Variants in SESN1 observed in about 807,000 individuals in gnomAD.
The protein encoded by SESN1 is sestrin-1.
In SESN1, 30 loss-of-function variants were observed where a neutral mutation model predicts 59.3. That is an observed-to-expected ratio of 0.51 (90% CI 0.38 to 0.69). The LOEUF is 0.69. Among genes scored for constraint, SESN1 ranks in the 30% least tolerant of loss-of-function variants. The pLI is 0.00. For missense variants in SESN1, 566 were observed against 673.0 expected (o/e 0.84, Z 1.76); for synonymous variants, 197 against 219.9 (o/e 0.90, Z 0.92).
Position 109,072,964 on chromosome 6 carries a change from G to T in SESN1, c.279+20831C>A, listed in dbSNP as rs79101152. On this transcript the variant is annotated intron_variant, in intron 1 of 9. Transcript: ENST00000436639. ...CAGATTTAGAAAAAATTATAAATAG[G>T]TAAATTTTTATTATTTGCATTCAAT... 7.8e-3 allele frequency among the ~76,000 whole-genome samples: 1,191 copies of T among 151,818 alleles called. 21 individuals are homozygous for T. The highest frequency in any genetic ancestry group is 0.028 in the African/African-American group (1,144 of 41,386).
intron 1 of SESN1, among the ~76,000 whole-genome samples, chr6:109,069,692 C>G (rs912133995): frequency 6.6e-6 from 1 of 152,064 alleles, no homozygotes; most frequent in Non-Finnish European, 1.5e-5. Flanking sequence ...CAGCCGTGTA[C>G]CACGACACAT....
chr6:109,081,623 C>A (rs900622498), intron 1 of SESN1, among the ~76,000 whole-genome samples: 2 of 152,110 alleles, frequency 1.3e-5, no homozygotes, highest in East Asian at 3.9e-4. Flanking sequence ...CAACTTGATT[C>A]CAATCCCATG....
chr6:109,020,200 T>A lies in SESN1; in HGVS notation c.280-17857A>T, dbSNP rs538920948. On this transcript the variant is annotated intron_variant, in intron 1 of 9. Transcript: ENST00000436639. Reference sequence around the variant, plus strand: ...GCTTCTTCTTTTTTTCTTTTTTTTATGTATTGTCACAAGAGAAAACAACAA... The same window carrying A: ...GCTTCTTCTTTTTTTCTTTTTTTTAAGTATTGTCACAAGAGAAAACAACAA... 4.6e-5 allele frequency among the ~76,000 whole-genome samples: 7 copies of A among 152,304 alleles called. No individual in the cohort carries two copies. The East Asian group carries it at 1.2e-3, about 25-fold the overall frequency.
intron 1 of SESN1, among the ~76,000 whole-genome samples, chr6:109,034,058 C>T (rs1216519316): frequency 6.6e-6 from 1 of 152,166 alleles, no homozygotes; most frequent in East Asian, 1.9e-4. Context: ...TACATGAAAT[C>T]ATGCACAGTG....
chr6:109,069,224 T>C (rs1780887814), intron 1 of SESN1, among the ~76,000 whole-genome samples: 1 of 152,036 alleles, frequency 6.6e-6, no homozygotes, highest in South Asian at 2.1e-4. Context: ...TATGGCATTT[T>C]CCATACTATT....
At chr6:109,067,449 G>A (rs762720481) in intron 1 of SESN1, among the ~76,000 whole-genome samples, 2 of 152,104 alleles carry the variant, frequency 1.3e-5, no homozygotes, top group Non-Finnish European at 2.9e-5. Context: ...AAAACTGAAC[G>A]CTAAGTAAGA....
intron 5 of SESN1, among the ~76,000 whole-genome samples, chr6:108,995,646 T>C (rs1779487461): frequency 6.6e-6 from 1 of 152,210 alleles, no homozygotes; most frequent in Non-Finnish European, 1.5e-5. Context: ...GTTGGGCTAG[T>C]GGCTCATGCC....
rs1324477370 is a variant in SESN1 at position 108,987,498 on chromosome 6, T to G, written c.*46A>C. On this transcript the variant is annotated 3_prime_UTR_variant, in exon 10 of 10. Coordinates refer to ENST00000436639, the MANE Select transcript of SESN1 (RefSeq NM_014454.3). ...GCTTAGTACCTTCCCCCTTGTAGAC[T>G]ATATCTGCTGATCATTCCAGAATCA... The G allele has an allele frequency of 1.8e-6, 2 of 1,081,100 alleles. No individual in the cohort carries two copies. Among genetic ancestry groups the G allele is most frequent in the Non-Finnish European group, 2.8e-6 (2 of 703,766 alleles). The allele number at this position is 1,081,100 out of a possible 1,614,324, so 67.0% of individuals were successfully genotyped here.
intron 1 of SESN1, among the ~76,000 whole-genome samples, chr6:109,089,012 A>G (rs1028017782): frequency 2.6e-5 from 4 of 152,172 alleles, no homozygotes; most frequent in African/African-American, 9.7e-5. Context: ...GAATCAATAA[A>G]TTGAGAACTG....
chr6:109,025,691 CTT>C (rs956040755), intron 1 of SESN1, among the ~76,000 whole-genome samples: 9 of 151,728 alleles, frequency 5.9e-5, no homozygotes, highest in Non-Finnish European at 1.2e-4. Context: ...ATAATTAAAA[CTT>C]AAAATTCAAT....
intron 1 of SESN1, chr6:109,009,568 C>A: frequency 1.8e-6 from 2 of 1,104,708 alleles, no homozygotes; most frequent in Non-Finnish European, 2.2e-6. Flanking sequence ...GGGGGCGGGG[C>A]GGCGCCGACA....
Position 109,031,932 on chromosome 6 carries a change from T to C in SESN1, c.280-29589A>G, listed in dbSNP as rs1159169109. ...ATGGAACCCAAGTCTAAACATGAAATTCACTTGTTTCATATACACCTTATA... is the reference window on the plus strand; with the variant it reads ...ATGGAACCCAAGTCTAAACATGAAACTCACTTGTTTCATATACACCTTATA... On this transcript the variant is annotated intron_variant, in intron 1 of 9. Transcript: ENST00000436639. 4.6e-5 allele frequency among the ~76,000 whole-genome samples: 7 copies of C among 152,156 alleles called. No individual in the cohort carries two copies. The East Asian group carries it at 1.3e-3, about 29-fold the overall frequency.
intron 1 of SESN1, among the ~76,000 whole-genome samples, chr6:109,056,266 G>C (rs757384566): frequency 1.1e-4 from 17 of 152,076 alleles, no homozygotes; most frequent in Non-Finnish European, 2.4e-4. Context: ...AATTAGCGAG[G>C]CATGGTAGCG....
chr6:109,020,159 T>A (rs185326681), intron 1 of SESN1, among the ~76,000 whole-genome samples: 2 of 152,324 alleles, frequency 1.3e-5, no homozygotes, highest in African/African-American at 4.8e-5. Context: ...CTGCTCCAGA[T>A]ACCGGTGAGG....
intron 1 of SESN1, among the ~76,000 whole-genome samples, chr6:109,005,668 A>G (rs1779717378): frequency 6.6e-6 from 1 of 152,144 alleles, no homozygotes; most frequent in Non-Finnish European, 1.5e-5. Context: ...GTCCATCCCT[A>G]TTGCCAAATT....
chr6:109,082,135 G>C (rs569547683), intron 1 of SESN1, among the ~76,000 whole-genome samples: 128 of 152,282 alleles, frequency 8.4e-4, no homozygotes, highest in African/African-American at 3.0e-3. Context: ...GGGAAATCCA[G>C]TTCCCAGAGA....
At chr6:109,022,692 A>C (rs1780031589) in intron 1 of SESN1, among the ~76,000 whole-genome samples, 1 of 151,820 alleles carries the variant, frequency 6.6e-6, no homozygotes. Flanking sequence ...GGGATTACAG[A>C]CATGAAACAC....
At position 109,001,318 on chromosome 6, in the gene SESN1, G is replaced by A. The variant is rs1338567274; in HGVS notation, c.516C>T (p.Pro172=). ...TTCCAATGTAGTGACGATAATGTAGGGGTAACGGCCCATCCATTTGCAGTA... is the reference window on the plus strand; with the variant it reads ...TTCCAATGTAGTGACGATAATGTAGAGGTAACGGCCCATCCATTTGCAGTA... The part of the protein sequence containing the change: ...HYLLQMDGPL[P]LHYRHYIGIM... The change falls in exon 3 of 10, where the codon CCC becomes CCT. Residue 172 remains proline (P), a synonymous_variant. Transcript: ENST00000436639. 11 of 1,613,752 alleles carry A rather than the reference G, an allele frequency of 6.8e-6. No homozygotes were observed. The highest frequency in any genetic ancestry group is 9.3e-6 in the Non-Finnish European group (11 of 1,179,730).
chr6:109,014,618 T>C (rs1779904111), intron 1 of SESN1, among the ~76,000 whole-genome samples: 2 of 151,992 alleles, frequency 1.3e-5, no homozygotes, highest in African/African-American at 4.8e-5. Flanking sequence ...TCAGGGTGAG[T>C]TTTTTTGTTT....
Sources: allele counts gnomAD v4.1 joint callset (sites outside exome capture counted in the v4.1 genomes callset), GRCh38; gene constraint gnomAD v4.1.1; transcripts MANE v1.5; gene names NCBI Gene and HGNC (gene_info 2026-07-23, HGNC 2026-07-21).